The following ZCCHC17 variants were observed in gnomAD, a reference collection of about 807,000 sequenced individuals.
ZCCHC17 encodes the protein zinc finger CCHC-type containing 17.
A neutral mutation model predicts 30.6 loss-of-function variants in ZCCHC17; 18 were observed. That is an observed-to-expected ratio of 0.59 (90% CI 0.41 to 0.87). ZCCHC17 has a LOEUF of 0.87. ZCCHC17 is among the 40% of genes least tolerant of loss of function. ZCCHC17 has a pLI of 0.00. For synonymous variants in ZCCHC17, 88 were observed against 92.4 expected, an observed-to-expected ratio of 0.95 and a Z score of 0.27; for missense variants, 263 against 284.2, an observed-to-expected ratio of 0.93 and a Z score of 0.54.
At chr1:31,321,203 G>A (rs1226820399) in intron 3 of ZCCHC17, among the ~76,000 whole-genome samples, 1 of 152,044 alleles carries the variant, frequency 6.6e-6, no homozygotes, top group Non-Finnish European at 1.5e-5. Context: ...GAATCATGGG[G>A]GTGGTTTGCC....
intron 3 of ZCCHC17, among the ~76,000 whole-genome samples, chr1:31,335,605 T>G (rs1421770462): frequency 6.6e-6 from 1 of 152,210 alleles, no homozygotes; most frequent in Non-Finnish European, 1.5e-5. Context: ...CTTGAATACC[T>G]GGGCTCAAGC....
At chr1:31,311,652 C>T (rs1646604437) in intron 2 of ZCCHC17, among the ~76,000 whole-genome samples, 1 of 152,240 alleles carries the variant, frequency 6.6e-6, no homozygotes. Context: ...TGTGTCCTCA[C>T]ATGACGGAAG....
intron 7 of ZCCHC17, among the ~76,000 whole-genome samples, chr1:31,359,207 C>T (rs751079000): frequency 7.2e-5 from 11 of 152,208 alleles, no homozygotes; most frequent in Middle Eastern, 3.4e-3. Flanking sequence ...CTCAAGAGAT[C>T]CACCTGCCTT....
intron 7 of ZCCHC17, among the ~76,000 whole-genome samples, chr1:31,356,456 T>C (rs915550577): frequency 6.6e-6 from 1 of 152,180 alleles, no homozygotes; most frequent in Non-Finnish European, 1.5e-5. Context: ...CCACCAGAAA[T>C]AGCCCAGGAT....
chr1:31,343,548 C>T lies in ZCCHC17; in HGVS notation c.318-3092C>T, dbSNP rs142570946. ...CTCTTATATTCATCCCCTCAGGTCCCAAAGTGTTAATGAGATAATCTAATA... is the reference window on the plus strand; with the variant it reads ...CTCTTATATTCATCCCCTCAGGTCCTAAAGTGTTAATGAGATAATCTAATA... On this transcript the variant is annotated intron_variant, in intron 5 of 7. Transcript: ENST00000344147. Among the ~76,000 whole-genome samples the T allele has an allele frequency of 2.8e-3, 425 of 152,212 alleles. 1 individual carries two copies. The highest frequency in any genetic ancestry group is 9.6e-3 in the African/African-American group (398 of 41,542).
chr1:31,324,025 A>G (rs539846196), intron 3 of ZCCHC17, among the ~76,000 whole-genome samples: 5 of 152,332 alleles, frequency 3.3e-5, no homozygotes, highest in Admixed American at 2.0e-4. Flanking sequence ...GAAAGATGCC[A>G]TGGAAGGTTT....
intron 2 of ZCCHC17, among the ~76,000 whole-genome samples, chr1:31,315,851 T>C (rs564138358): frequency 6.6e-6 from 1 of 152,210 alleles, no homozygotes; most frequent in Non-Finnish European, 1.5e-5. Flanking sequence ...CAGGTGTGAT[T>C]GCACCCTAGG....
At chr1:31,313,890 A>G (rs955146637) in intron 2 of ZCCHC17, among the ~76,000 whole-genome samples, 1 of 148,558 alleles carries the variant, frequency 6.7e-6, no homozygotes, top group Non-Finnish European at 1.5e-5. Context: ...TTTTGGACAG[A>G]GTCTCACTCT....
intron 7 of ZCCHC17, among the ~76,000 whole-genome samples, chr1:31,359,296 AC>A (rs1199027479): frequency 6.6e-6 from 1 of 151,922 alleles, no homozygotes; most frequent in Non-Finnish European, 1.5e-5. Context: ...CAGGTGGATC[AC>A]TTGAGGTCAG....
intron 1 of ZCCHC17, among the ~76,000 whole-genome samples, chr1:31,304,594 A>T (rs1372344304): frequency 1.4e-5 from 2 of 146,106 alleles, no homozygotes; most frequent in Non-Finnish European, 3.0e-5. Flanking sequence ...TCAATGTTAT[A>T]TACTCTTATT....
rs1306244125 is a variant in ZCCHC17, at chr1:31,339,601, G to A, written c.317+553G>A. 2.0e-5 allele frequency among the ~76,000 whole-genome samples: 3 copies of A among 152,172 alleles called. No homozygotes were observed. The East Asian group carries it at 5.8e-4, about 29-fold the overall frequency. ...GTTAACGTACCAAGCTCCTGGCATTGGAGTGCTCCATCAATGGTTTTGTTT... is the reference window on the plus strand; with the variant it reads ...GTTAACGTACCAAGCTCCTGGCATTAGAGTGCTCCATCAATGGTTTTGTTT... On this transcript the variant is annotated intron_variant, in intron 5 of 7. Transcript: ENST00000344147.
At chr1:31,298,936 G>A (rs565459554) in intron 1 of ZCCHC17, among the ~76,000 whole-genome samples, 1 of 152,268 alleles carries the variant, frequency 6.6e-6, no homozygotes, top group African/African-American at 2.4e-5. Context: ...AAGGAAGGAG[G>A]ACTGGAAGAA....
At chr1:31,325,884 G>A (rs1312706636) in intron 3 of ZCCHC17, among the ~76,000 whole-genome samples, 1 of 152,092 alleles carries the variant, frequency 6.6e-6, no homozygotes, top group African/African-American at 2.4e-5. Context: ...CAAAAAGTTA[G>A]CTGGGTGTGG....
At chr1:31,310,806 A>G (rs1262263857) in intron 2 of ZCCHC17, among the ~76,000 whole-genome samples, 3 of 152,244 alleles carry the variant, frequency 2.0e-5, no homozygotes, top group Admixed American at 2.0e-4. Flanking sequence ...TTTCACCTCA[A>G]CAAATAGAAC....
chr1:31,332,467 G>A (rs12564155), intron 3 of ZCCHC17, among the ~76,000 whole-genome samples: 30,395 of 151,822 alleles, frequency 0.2, 3,668 homozygotes, highest in East Asian at 0.46. Context: ...ATGTCCATAT[G>A]AGGCATAGTT....
intron 7 of ZCCHC17, among the ~76,000 whole-genome samples, chr1:31,357,765 T>C (rs1639698850): frequency 6.6e-6 from 1 of 151,446 alleles, no homozygotes; most frequent in Non-Finnish European, 1.5e-5. Flanking sequence ...CTTTCTTTTT[T>C]TTTTTTTGAG....
intron 1 of ZCCHC17, 27 bp from the exon 2 acceptor site, chr1:31,310,017 A>G: frequency 1.5e-6 from 2 of 1,339,626 alleles, no homozygotes; most frequent in Non-Finnish European, 2.1e-6. Flanking sequence ...ATATCTCTCT[A>G]ATTGGTGTCT....
At chr1:31,302,879 C>T (rs1646352722) in intron 1 of ZCCHC17, among the ~76,000 whole-genome samples, 1 of 152,114 alleles carries the variant, frequency 6.6e-6, no homozygotes, top group African/African-American at 2.4e-5. Context: ...CCACTAGGTC[C>T]CTCCCCCAAC....
At chr1:31,355,353 C>T (rs1469678710) in intron 7 of ZCCHC17, among the ~76,000 whole-genome samples, 1 of 152,028 alleles carries the variant, frequency 6.6e-6, no homozygotes, top group Non-Finnish European at 1.5e-5. Flanking sequence ...TTGTTAATCC[C>T]GTCATTACCT....
Sources: allele counts gnomAD v4.1 joint callset (sites outside exome capture counted in the v4.1 genomes callset), GRCh38; gene constraint gnomAD v4.1.1; transcripts MANE v1.5; gene names NCBI Gene and HGNC (gene_info 2026-07-23, HGNC 2026-07-21).